Variants in ADAMTS17 observed in about 807,000 individuals in gnomAD.
The protein encoded by ADAMTS17 is A disintegrin and metalloproteinase with thrombospondin motifs 17.
A neutral mutation model predicts 141.5 loss-of-function variants in ADAMTS17; 113 were observed. The ratio of observed to expected loss-of-function variants is 0.80; its 90% CI spans 0.69 to 0.93. ADAMTS17 has a LOEUF of 0.93. ADAMTS17 is among the 40% of genes least tolerant of loss of function. ADAMTS17 has a pLI of 0.00. For missense variants in ADAMTS17, 1,659 were observed against 1,517.9 expected, an observed-to-expected ratio of 1.09 and a Z score of -1.54; for synonymous variants, 768 against 630.6, an observed-to-expected ratio of 1.22 and a Z score of -3.27.
chr15:100,027,184 C>T (rs1342493057), intron 18 of ADAMTS17, among the ~76,000 whole-genome samples: 1 of 152,216 alleles, frequency 6.6e-6, no homozygotes, highest in Non-Finnish European at 1.5e-5. Context: ...AATGATATCT[C>T]TTGACTTCCA....
chr15:100,093,673 C>G lies in ADAMTS17; in HGVS notation c.2137+2683G>C, dbSNP rs1253496831. On this transcript the variant is annotated intron_variant, in intron 15 of 21. Transcript: ENST00000268070. ...CTTTAGTGCTGGGGGCCACCCTCAG[C>G]TTTTGGAGGCCTAGGTCTGGTGCCC... Among the ~76,000 whole-genome samples, 5 of 152,236 alleles carry G rather than the reference C, an allele frequency of 3.3e-5. No homozygotes were observed. The South Asian group carries it at 1.0e-3, about 32-fold the overall frequency.
intron 15 of ADAMTS17, among the ~76,000 whole-genome samples, chr15:100,067,639 A>G (rs2033636506): frequency 6.6e-6 from 1 of 151,950 alleles, no homozygotes; most frequent in Non-Finnish European, 1.5e-5. Context: ...CTTCTGCAGC[A>G]CTTATCTTTT....
chr15:99,982,071 T>G (rs1275685588), intron 20 of ADAMTS17, among the ~76,000 whole-genome samples: 2 of 152,202 alleles, frequency 1.3e-5, no homozygotes, highest in Admixed American at 1.3e-4. Flanking sequence ...CCTCAGTTTA[T>G]TTGCAGCATG....
rs574684190 is a variant in ADAMTS17, at chr15:100,006,945, G to C, written c.2592-9356C>G. ...GGCCAAAGGAAGCAGCCACTGGCACGGTCAACCCGCTCAGTCTCAGCCTCT... is the reference window on the plus strand; with the variant it reads ...GGCCAAAGGAAGCAGCCACTGGCACCGTCAACCCGCTCAGTCTCAGCCTCT... On this transcript the variant is annotated intron_variant, in intron 18 of 21. Transcript: ENST00000268070. Among the ~76,000 whole-genome samples the C allele has an allele frequency of 4.6e-5, 7 of 152,274 alleles. No homozygotes were observed. In the South Asian group the frequency reaches 1.5e-3, roughly 32 times the overall value.
chr15:100,321,756 G>C, intron 3 of ADAMTS17, among the ~76,000 whole-genome samples: 1 of 152,152 alleles, frequency 6.6e-6, no homozygotes, highest in East Asian at 1.9e-4. Flanking sequence ...TAAGTTATGA[G>C]ATTTTTAATA....
intron 10 of ADAMTS17, among the ~76,000 whole-genome samples, chr15:100,135,397 C>A (rs1005537419): frequency 2.6e-5 from 4 of 151,880 alleles, no homozygotes; most frequent in Non-Finnish European, 5.9e-5. Context: ...CATTCTCCTG[C>A]CTCAGCCTTC....
intron 15 of ADAMTS17, among the ~76,000 whole-genome samples, chr15:100,069,619 C>T (rs929341147): frequency 1.3e-5 from 2 of 152,092 alleles, no homozygotes; most frequent in African/African-American, 2.4e-5. Context: ...ATTTTCAACC[C>T]AGAATTTCAT....
rs968140542 is a variant in ADAMTS17 at position 99,995,714 on chromosome 15, G to A, written c.2796+1671C>T. 3.9e-5 allele frequency among the ~76,000 whole-genome samples: 6 copies of A among 152,316 alleles called. No homozygotes were observed. The South Asian group carries it at 8.3e-4, about 21-fold the overall frequency. On this transcript the variant is annotated intron_variant, in intron 19 of 21. Transcript: ENST00000268070. Reference sequence around the variant, plus strand: ...AAACTGAAACCCATCTGCTTCCAGCGGAAGACAGTCTCACTTTGGGACTTC... The same window carrying A: ...AAACTGAAACCCATCTGCTTCCAGCAGAAGACAGTCTCACTTTGGGACTTC...
At chr15:100,306,434 C>A (rs1431951459) in intron 3 of ADAMTS17, 5 of 455,276 alleles carry the variant, frequency 1.1e-5, no homozygotes, top group Non-Finnish European at 2.2e-5. Context: ...CGCCAAGCTG[C>A]AGAGGCCACA....
At chr15:100,247,677 C>T (rs1349315207) in intron 7 of ADAMTS17, among the ~76,000 whole-genome samples, 1 of 152,162 alleles carries the variant, frequency 6.6e-6, no homozygotes, top group Non-Finnish European at 1.5e-5. Context: ...GGGTTCACAG[C>T]TTCTCTTCCT....
intron 3 of ADAMTS17, among the ~76,000 whole-genome samples, chr15:100,295,834 T>G (rs527327439): frequency 7.2e-5 from 11 of 152,332 alleles, no homozygotes; most frequent in African/African-American, 2.2e-4. Flanking sequence ...AGTGCCTATA[T>G]GTCATTGAAG....
chr15:100,131,253 A>G (rs2038025595), intron 12 of ADAMTS17, among the ~76,000 whole-genome samples: 1 of 151,846 alleles, frequency 6.6e-6, no homozygotes, highest in Admixed American at 6.6e-5. Flanking sequence ...CAGCATTAGG[A>G]GAAATACCTA....
At position 100,167,587 on chromosome 15, in the gene ADAMTS17, G is replaced by C. The variant is rs574981042; in HGVS notation, c.1182-12267C>G. The stretch of plus-strand genomic sequence containing the variant: ...CTGTGGACAGTGACAGGATGCTGGA[G>C]AGCAAATGTGACCTCAAGCAGGAAG... On this transcript the variant is annotated intron_variant, in intron 8 of 21. Coordinates refer to ENST00000268070, the MANE Select transcript of ADAMTS17 (RefSeq NM_139057.4). 2.0e-5 allele frequency among the ~76,000 whole-genome samples: 3 copies of C among 152,262 alleles called. No homozygotes were observed. The South Asian group carries it at 6.2e-4, about 32-fold the overall frequency.
intron 3 of ADAMTS17, among the ~76,000 whole-genome samples, chr15:100,322,303 C>A (rs2045756791): frequency 6.6e-6 from 1 of 152,098 alleles, no homozygotes; most frequent in Non-Finnish European, 1.5e-5. Flanking sequence ...AAGGAGAGAT[C>A]CACAAAGGGG....
intron 4 of ADAMTS17, 96 bp downstream of exon 4, chr15:100,281,133 C>A: frequency 6.5e-7 from 1 of 1,539,134 alleles, no homozygotes; most frequent in Non-Finnish European, 8.8e-7. Context: ...CAGCGTCTTC[C>A]TCACTTGAGG....
At chr15:100,178,753 T>C (rs1052354872) in intron 8 of ADAMTS17, among the ~76,000 whole-genome samples, 3 of 152,228 alleles carry the variant, frequency 2.0e-5, no homozygotes, top group Non-Finnish European at 2.9e-5. Context: ...CAACAAATTC[T>C]ATTAGATTTC....
At chr15:100,277,685 G>C (rs954910167) in intron 4 of ADAMTS17, among the ~76,000 whole-genome samples, 2 of 152,218 alleles carry the variant, frequency 1.3e-5, no homozygotes, top group Admixed American at 1.3e-4. Context: ...TGCACACGAG[G>C]AACACGGAAC....
intron 8 of ADAMTS17, among the ~76,000 whole-genome samples, chr15:100,186,375 A>G (rs2040718185): frequency 6.6e-6 from 1 of 152,182 alleles, no homozygotes. Flanking sequence ...AAATGCAAAT[A>G]CTACTACTAT....
rs1376494380 is a variant in ADAMTS17 at position 100,174,609 on chromosome 15, T to C, written c.1182-19289A>G. Among the ~76,000 whole-genome samples the C allele has an allele frequency of 2.0e-5, 3 of 152,236 alleles. No homozygotes were observed. In the East Asian group the frequency reaches 5.8e-4, roughly 29 times the overall value. The stretch of plus-strand genomic sequence containing the variant: ...ACCTTAAACAAATATTCACTTCTCC[T>C]AGTATAAATTATAGCTTCTTGCAGT... On this transcript the variant is annotated intron_variant, in intron 8 of 21. Coordinates refer to ENST00000268070, the MANE Select transcript of ADAMTS17 (RefSeq NM_139057.4).
Sources: allele counts gnomAD v4.1 joint callset (sites outside exome capture counted in the v4.1 genomes callset), GRCh38; gene constraint gnomAD v4.1.1; transcripts MANE v1.5; gene names NCBI Gene and HGNC (gene_info 2026-07-23, HGNC 2026-07-21).